The following HDHD5 variants were observed in gnomAD, a reference collection of about 807,000 sequenced individuals.
The protein encoded by HDHD5 is haloacid dehalogenase like hydrolase domain containing 5.
A neutral mutation model predicts 35.5 loss-of-function variants in HDHD5; 34 were observed. The ratio of observed to expected loss-of-function variants is 0.96; its 90% CI spans 0.73 to 1.28. HDHD5 has a LOEUF of 1.28. Among genes scored for constraint, HDHD5 ranks in the 50% most tolerant of loss-of-function variants. The pLI is 0.00. For missense variants in HDHD5, 589 were observed against 560.2 expected (o/e 1.05, Z -0.52); for synonymous variants, 248 against 240.6 (o/e 1.03, Z -0.29).
At position 17,148,502 on chromosome 22, in the gene HDHD5, T is replaced by C. The variant is rs1168424600; in HGVS notation, c.389A>G (p.His130Arg). The change falls in exon 3 of 8, where the codon CAT becomes CGT. Residue 130 changes from histidine to arginine, a missense_variant. Physicochemically the swap from His to Arg is conservative, Grantham distance 29. Coordinates refer to ENST00000336737, the MANE Select transcript of HDHD5 (RefSeq NM_033070.3). ...HSPMKLFSEYHEKRMLVSGQG... is the reference protein window; with the variant it reads ...HSPMKLFSEYREKRMLVSGQG... ...TCCAGACACCAGCATCCGCTTCTCA[T>C]GGTACTCGGAGAAGAGCTTCATGGG... The C allele has an allele frequency of 2.5e-6, 4 of 1,614,046 alleles. No individual in the cohort carries two copies. In the East Asian group the frequency reaches 6.7e-5, roughly 27 times the overall value.
chr22:17,152,651 T>C (rs2061740303), intron 1 of HDHD5, among the ~76,000 whole-genome samples: 1 of 151,792 alleles, frequency 6.6e-6, no homozygotes, highest in African/African-American at 2.4e-5. Context: ...TTTTGGAAGG[T>C]CTCGCCTCTC....
At chr22:17,138,885 C>A in intron 6 of HDHD5, 147 bp from the exon 7 acceptor site, 1 of 769,186 alleles carries the variant, frequency 1.3e-6, no homozygotes. Flanking sequence ...TGTGCAGGCA[C>A]TGGAGGCAGC....
chr22:17,158,933 C>A (rs1358458820), intron 1 of HDHD5, 193 bp downstream of exon 1: 2 of 433,712 alleles, frequency 4.6e-6, no homozygotes, highest in African/African-American at 4.2e-5. Context: ...TTTCCGAGGC[C>A]GCCAGCGAGT....
chr22:17,142,138 G>A (rs559528692), intron 5 of HDHD5: 1 of 152,314 alleles, frequency 6.6e-6, no homozygotes, highest in South Asian at 2.1e-4. Context: ...CACTTTGGGA[G>A]GCCAAGGTGG....
At chr22:17,141,344 C>A in intron 5 of HDHD5, 111 bp from the exon 6 acceptor site, 1 of 1,446,706 alleles carries the variant, frequency 6.9e-7, no homozygotes, top group Non-Finnish European at 9.0e-7. Flanking sequence ...ATGGTGCACC[C>A]AGCTGGGCAG....
chr22:17,158,857 A>G (rs973928334), intron 1 of HDHD5: 4 of 262,412 alleles, frequency 1.5e-5, no homozygotes, highest in Non-Finnish European at 2.9e-5. Flanking sequence ...AACTGCCGGG[A>G]AGCGCAGGGG....
intron 3 of HDHD5, among the ~76,000 whole-genome samples, chr22:17,146,054 A>G (rs1008982491): frequency 3.9e-5 from 6 of 152,104 alleles, no homozygotes; most frequent in Non-Finnish European, 7.4e-5. Flanking sequence ...CCCCATCAGC[A>G]ATAAAGCGTG....
chr22:17,147,420 C>A (rs1363211552), intron 3 of HDHD5, among the ~76,000 whole-genome samples: 3 of 135,546 alleles, frequency 2.2e-5, no homozygotes, highest in Non-Finnish European at 4.7e-5. Flanking sequence ...ACCTGCGACG[C>A]CCTCCTGTGA....
chr22:17,155,393 G>A (rs775844714), intron 1 of HDHD5, among the ~76,000 whole-genome samples: 1 of 151,816 alleles, frequency 6.6e-6, no homozygotes. Flanking sequence ...CTACAGACGC[G>A]CGCCAACACA....
chr22:17,139,240 A>C (rs5747007), intron 6 of HDHD5, among the ~76,000 whole-genome samples: 4,002 of 152,286 alleles, frequency 0.026, 73 homozygotes, highest in African/African-American at 0.056. Context: ...AAAATTGGGG[A>C]CAGGCGGCCA....
chr22:17,151,881 T>A (rs1247041125), intron 1 of HDHD5, among the ~76,000 whole-genome samples: 1 of 152,124 alleles, frequency 6.6e-6, no homozygotes, highest in Non-Finnish European at 1.5e-5. Flanking sequence ...CAAGTGCAAA[T>A]CAATTCTAGG....
At position 17,138,850 on chromosome 22, in the gene HDHD5, G is replaced by T; in HGVS notation, c.747-112C>A. ...CACACAGACCAGCCTTTTCCCCAGG[G>T]TAAGAGCTGACATGTAGCAGACACT... On this transcript the variant is annotated intron_variant, in intron 6 of 7. Transcript: ENST00000336737. 8.4e-6 allele frequency: 10 copies of T among 1,186,772 alleles called. No individual in the cohort carries two copies. The South Asian group carries it at 1.1e-4, about 13-fold the overall frequency. The allele number at this position is 1,186,772 out of a possible 1,614,324, so 73.5% of individuals were successfully genotyped here. A position where few individuals can be genotyped will look rare whatever the true frequency, so the allele number is the denominator to read the frequency against.
chr22:17,143,074 C>T, intron 5 of HDHD5, 24 bp downstream of exon 5: 1 of 1,608,258 alleles, frequency 6.2e-7, no homozygotes, highest in Non-Finnish European at 8.5e-7. Flanking sequence ...GACCTCACAA[C>T]TCATCAAAGA....
upstream of HDHD5, among the ~76,000 whole-genome samples, chr22:17,160,941 GT>G (rs34347930): frequency 0.44 from 65,919 of 151,374 alleles, 14,948 homozygotes; most frequent in East Asian, 0.77. Context: ...CATGCCCACA[GT>G]TTTTTTTGAC....
chr22:17,158,906 C>A, intron 1 of HDHD5: 1 of 342,286 alleles, frequency 2.9e-6, no homozygotes. Flanking sequence ...CACGAGCGCT[C>A]TCCCGCGGGA....
At chr22:17,140,814 C>T (rs7287119) in intron 6 of HDHD5, among the ~76,000 whole-genome samples, 34,015 of 152,042 alleles carry the variant, frequency 0.22, 4,076 homozygotes, top group Middle Eastern at 0.3. Context: ...GCAGGGGTCA[C>T]GTGTGAAACA....
rs551829408 is a variant in HDHD5 at position 17,138,800 on chromosome 22, C to T, written c.747-62G>A. ...GATCTCCAGGCTCTTCTAGAGAACA[C>T]GACTGCCACTGTCTAAGCAGCAAAC... On this transcript the variant is annotated intron_variant, in intron 6 of 7. Transcript: ENST00000336737. The T allele has an allele frequency of 1.6e-3, 2,442 of 1,573,546 alleles. 8 individuals carry two copies. Among genetic ancestry groups the T allele is most frequent in the Middle Eastern group, 4.4e-3 (26 of 5,948 alleles).
At chr22:17,163,962 T>C (rs2061877506), upstream of HDHD5, among the ~76,000 whole-genome samples, 1 of 152,156 alleles carries the variant, frequency 6.6e-6, no homozygotes, top group Non-Finnish European at 1.5e-5. Flanking sequence ...CACGGTGGCC[T>C]GTAATCCCAG....
intron 1 of HDHD5, among the ~76,000 whole-genome samples, chr22:17,156,987 C>A (rs1456197188): frequency 2.0e-5 from 3 of 148,542 alleles, no homozygotes; most frequent in Non-Finnish European, 3.0e-5. Flanking sequence ...CTGAGGCAGG[C>A]GAATCACTTG....
Sources: gnomAD v4.1 joint callset for allele counts (sites outside exome capture counted in the v4.1 genomes callset) on GRCh38, gnomAD v4.1.1 for gene constraint, MANE v1.5 for transcripts, NCBI Gene and HGNC (gene_info 2026-07-23, HGNC 2026-07-21) for gene names.